Variants in KDM1B observed in about 807,000 individuals in gnomAD.
KDM1B encodes the protein lysine demethylase 1B.
A neutral mutation model predicts 107.4 loss-of-function variants in KDM1B; 63 were observed. The ratio of observed to expected loss-of-function variants is 0.59; its 90% confidence interval spans 0.48 to 0.72. The LOEUF (loss-of-function observed/expected upper bound fraction) is 0.72. Among genes scored for constraint, KDM1B ranks in the 30% least tolerant of loss-of-function variants. The pLI, the probability that KDM1B is intolerant of heterozygous loss-of-function variation, is 0.00. For missense variants in KDM1B, 749 were observed against 1,020.8 expected, an observed-to-expected ratio of 0.73 and a Z score of 3.63; for synonymous variants, 363 against 363.9, an observed-to-expected ratio of 1.00 and a Z score of 0.03.
chr6:18,192,994 A>G (rs1269921952), intron 10 of KDM1B, among the ~76,000 whole-genome samples: 1 of 151,826 alleles, frequency 6.6e-6, no homozygotes, highest in Non-Finnish European at 1.5e-5. Flanking sequence ...GGAGTTTGAG[A>G]CCAGCCTGGC....
chr6:18,164,024 A>G (rs535197559), intron 5 of KDM1B, among the ~76,000 whole-genome samples: 3 of 152,332 alleles, frequency 2.0e-5, no homozygotes, highest in South Asian at 4.1e-4. Context: ...TCTTTCAGTT[A>G]CTAAGAAAAG....
rs1787704381 is a variant in KDM1B, at chr6:18,197,154, T to C, written c.1067T>C (p.Met356Thr). ...GAAGTGGAGAGAATACTGTATTTTA[T>C]GACCAGAAAAGGTCTCATCAACACT... ...VQEVERILYF[M>T]TRKGLINTGV... is the part of the protein sequence containing the mutation. Residue 356 changes from methionine to threonine, a missense_variant, in exon 11 of 22, where the codon ATG becomes ACG. By Grantham distance (81) the Met-to-Thr change is moderately conservative. Coordinates refer to ENST00000650836, the MANE Select transcript of KDM1B (RefSeq NM_001364614.2). This position sits in a 1 kb window ranked among gnomAD's most constrained non-coding sequence, Gnocchi z 4.5. 2 of 1,614,064 alleles carry C rather than the reference T, an allele frequency of 1.2e-6. No individual in the cohort carries two copies. The highest frequency in any genetic ancestry group is 1.7e-6 in the Non-Finnish European group (2 of 1,180,028).
intron 12 of KDM1B, among the ~76,000 whole-genome samples, chr6:18,199,770 G>A (rs1372864757): frequency 6.7e-6 from 1 of 150,196 alleles, no homozygotes; most frequent in Non-Finnish European, 1.5e-5. Context: ...AAGGAATTTT[G>A]CTATGTAGAT....
intron 21 of KDM1B, among the ~76,000 whole-genome samples, chr6:18,220,834 C>T (rs1041335724): frequency 4.6e-5 from 7 of 150,842 alleles, no homozygotes; most frequent in South Asian, 2.1e-4. Flanking sequence ...TGCAGTGGCG[C>T]GATCTTGGCT....
At position 18,203,978 on chromosome 6, in the gene KDM1B, A is replaced by G. The variant is rs911630921; in HGVS notation, c.1532-1559A>G. 6.6e-6 allele frequency among the ~76,000 whole-genome samples: 1 copy of G among 152,156 alleles called. No individual in the cohort carries two copies. The highest frequency in any genetic ancestry group is 1.5e-5 in the Non-Finnish European group (1 of 68,028). ...AGGAATGTAGAAACTGCACAGCAGG[A>G]AGCGGGGATGGGACTTCTACAAAAG... On this transcript the variant is annotated intron_variant, in intron 14 of 21. Coordinates refer to ENST00000650836, the MANE Select transcript of KDM1B (RefSeq NM_001364614.2). This position sits in a 1 kb window ranked among gnomAD's most constrained non-coding sequence, Gnocchi z 5.5.
rs1785712263 is a variant in KDM1B, at chr6:18,172,258, A to T, written c.534+779A>T. ...CCTATTATTATTGCTTTAGTGCGTTAAGGGTGTTAGTCTACACAAATGCCA... is the reference window on the plus strand; with the variant it reads ...CCTATTATTATTGCTTTAGTGCGTTTAGGGTGTTAGTCTACACAAATGCCA... On this transcript the variant is annotated intron_variant, in intron 7 of 21. Transcript: ENST00000650836. This position sits in a 1 kb window ranked among gnomAD's most constrained non-coding sequence, Gnocchi z 5.2. 6.6e-6 allele frequency among the ~76,000 whole-genome samples: 1 copy of T among 152,176 alleles called. No individual in the cohort carries two copies. The highest frequency in any genetic ancestry group is 2.4e-5 in the African/African-American group (1 of 41,436).
rs979479036 is a variant in KDM1B, at chr6:18,200,627, C to A, written c.1359+51C>A. On this transcript the variant is annotated intron_variant, in intron 13 of 21. Transcript: ENST00000650836. This position sits in a 1 kb window ranked among gnomAD's most constrained non-coding sequence, Gnocchi z 4.3. ...TAGATAAAGGAAAGAAAAACAGTTT[C>A]AATTTGCTTGTGTGCAGTATTAATA... 2 of 1,568,378 alleles carry A rather than the reference C, an allele frequency of 1.3e-6. No homozygotes were observed. Among genetic ancestry groups the A allele is most frequent in the African/African-American group, 1.4e-5 (1 of 73,154 alleles).
At chr6:18,177,331 A>C (rs927439790) in intron 7 of KDM1B, among the ~76,000 whole-genome samples, 6 of 151,826 alleles carry the variant, frequency 4.0e-5, no homozygotes, top group Admixed American at 2.0e-4. Context: ...TTCTTAATGA[A>C]GTTATTTGGA....
At chr6:18,217,956 C>A in intron 21 of KDM1B, 71 bp downstream of exon 21, 1 of 1,516,448 alleles carries the variant, frequency 6.6e-7, no homozygotes. Flanking sequence ...TGATATCTGC[C>A]CAGAGTTTAA....
In KDM1B at chr6:18,186,244, G is replaced by T. The variant is rs1231235815; in HGVS notation, c.573+434G>T. On this transcript the variant is annotated intron_variant, in intron 8 of 21. Coordinates refer to ENST00000650836, the MANE Select transcript of KDM1B (RefSeq NM_001364614.2). This position sits in a 1 kb window ranked among gnomAD's most constrained non-coding sequence, Gnocchi z 5.6. ...ATTCTGACCTCAGCATGTTGGCTTT[G>T]TCCTGTCCTCATGCAGATATGGCAG... Among the ~76,000 whole-genome samples, 1 of 152,274 alleles carries T rather than the reference G, an allele frequency of 6.6e-6. No individual in the cohort carries two copies. The highest frequency in any genetic ancestry group is 6.5e-5 in the Admixed American group (1 of 15,300).
At chr6:18,220,424 C>G (rs1789599586) in intron 21 of KDM1B, among the ~76,000 whole-genome samples, 1 of 152,156 alleles carries the variant, frequency 6.6e-6, no homozygotes, top group African/African-American at 2.4e-5. Flanking sequence ...TGGCGGGCGC[C>G]TGTAATCCCA....
Position 18,212,587 on chromosome 6 carries a change from G to T in KDM1B, c.1966G>T (p.Ala656Ser), listed in dbSNP as rs758076566. 6.2e-7 allele frequency: 1 copy of T among 1,611,884 alleles called. No homozygotes were observed. Among genetic ancestry groups the T allele is most frequent in the African/African-American group, 1.3e-5 (1 of 74,880 alleles). Residue 656 changes from alanine to serine, a missense_variant, in exon 18 of 22, where the codon GCA becomes TCA. Ala to Ser is a moderately conservative substitution (Grantham distance 99, BLOSUM62 1). Coordinates refer to ENST00000650836, the MANE Select transcript of KDM1B (RefSeq NM_001364614.2). This position sits in a 1 kb window ranked among gnomAD's most constrained non-coding sequence, Gnocchi z 5.2. ...GATGAAGGCTATCAACAGCTTAGGC[G>T]CAGGCATCATTGAAAAGGTGACTGA... is the stretch of plus-strand genomic sequence containing the variant. Reference protein sequence around the residue: ...KKMKAINSLGAGIIEKIALQF... With the variant: ...KKMKAINSLGSGIIEKIALQF...
intron 17 of KDM1B, among the ~76,000 whole-genome samples, chr6:18,208,603 G>GTGTATATATATATA (rs1359166965): frequency 1.7e-4 from 6 of 34,910 alleles, no homozygotes; most frequent in Admixed American, 1.1e-3. Context: ...GTATGTGTAT[G>GTGTATATATATATA]TATATATATA....
chr6:18,169,960 G>C (rs1438540030), intron 6 of KDM1B, among the ~76,000 whole-genome samples: 1 of 148,550 alleles, frequency 6.7e-6, no homozygotes, highest in Admixed American at 6.8e-5. Context: ...CCCAGGCTGG[G>C]GTGCATTGGT....
At position 18,175,876 on chromosome 6, in the gene KDM1B, T is replaced by C. The variant is rs547824530; in HGVS notation, c.534+4397T>C. On this transcript the variant is annotated intron_variant, in intron 7 of 21. Transcript: ENST00000650836. ...TGCTGTTTTGGTGACTATGGCCTTA[T>C]AGTATAGTTTGAAATCAGGTAGTGT... Among the ~76,000 whole-genome samples the C allele has an allele frequency of 5.3e-4, 81 of 152,348 alleles. 1 individual carries two copies. Among genetic ancestry groups the C allele is most frequent in the Admixed American group, 1.1e-3 (17 of 15,300 alleles).
chr6:18,166,310 T>C lies in KDM1B; in HGVS notation c.349T>C (p.Trp117Arg). ...YDKYTTWKKI[W>R]TSNGKTEPSP... The stretch of plus-strand genomic sequence containing the variant: ...CAAATATACTACATGGAAAAAAATA[T>C]GGACTAGCAATGGCAAAACCGAACC... Residue 117 changes from tryptophan (W) to arginine (R), a missense_variant, in exon 6 of 22, where the codon TGG becomes CGG. By Grantham distance (101) the Trp-to-Arg change is moderately radical. Transcript: ENST00000650836. 1.9e-6 allele frequency: 3 copies of C among 1,612,504 alleles called. No homozygotes were observed. Among genetic ancestry groups the C allele is most frequent in the Non-Finnish European group, 2.5e-6 (3 of 1,178,538 alleles).
rs1347390779 is a variant in KDM1B at position 18,204,773 on chromosome 6, T to C, written c.1532-764T>C. Among the ~76,000 whole-genome samples, 1 of 152,172 alleles carries C rather than the reference T, an allele frequency of 6.6e-6. No individual in the cohort carries two copies. Among genetic ancestry groups the C allele is most frequent in the Non-Finnish European group, 1.5e-5 (1 of 68,038 alleles). On this transcript the variant is annotated intron_variant, in intron 14 of 21. Coordinates refer to ENST00000650836, the MANE Select transcript of KDM1B (RefSeq NM_001364614.2). The surrounding 1 kb of genome is among the most constrained non-coding windows in gnomAD (Gnocchi z 4.9). ...CTGGGGGCTTGCCACGGCCCGGTGATGCCCGACTATAAAGAATGGATGGGA... is the reference window on the plus strand; with the variant it reads ...CTGGGGGCTTGCCACGGCCCGGTGACGCCCGACTATAAAGAATGGATGGGA...
rs983857069 is a variant in KDM1B, at chr6:18,159,101, G to T, written c.-13-782G>T. On this transcript the variant is annotated intron_variant, in intron 2 of 21. Transcript: ENST00000650836. This position sits in a 1 kb window ranked among gnomAD's most constrained non-coding sequence, Gnocchi z 4.5. The stretch of plus-strand genomic sequence containing the variant: ...TCCTGCCCCAGCCTCCTGAGTAGCT[G>T]GAATTACAGGCACGCGCCTCCATGC... Among the ~76,000 whole-genome samples, 1 of 152,170 alleles carries T rather than the reference G, an allele frequency of 6.6e-6. No homozygotes were observed. Among genetic ancestry groups the T allele is most frequent in the Non-Finnish European group, 1.5e-5 (1 of 68,032 alleles).
At chr6:18,221,695 G>A (rs1030658122) in intron 21 of KDM1B, among the ~76,000 whole-genome samples, 3 of 152,138 alleles carry the variant, frequency 2.0e-5, no homozygotes, top group Admixed American at 2.0e-4. Context: ...AGAGTGCTGC[G>A]TAGTACTTCA....
Sources: gnomAD v4.1 joint callset for allele counts (sites outside exome capture counted in the v4.1 genomes callset) on GRCh38, gnomAD v4.1.1 for gene constraint, Gnocchi (gnomAD v3.1) non-coding constraint, MANE v1.5 for transcripts, NCBI Gene and HGNC (gene_info 2026-07-23, HGNC 2026-07-21) for gene names.